PTPRG: variants seen among roughly 807,000 people sequenced by gnomAD.
PTPRG encodes the protein receptor-type tyrosine-protein phosphatase gamma.
In PTPRG, 102 loss-of-function variants were observed where a neutral mutation model predicts 165.3. The observed-to-expected ratio is 0.62, with a 90% CI of 0.53 to 0.73. PTPRG has a LOEUF of 0.73. Among genes scored for constraint, PTPRG ranks in the 30% least tolerant of loss-of-function variants. The probability of loss-of-function intolerance (pLI) is 0.00; values close to 1 mark genes in which losing one functional copy is unlikely to be tolerated. For synonymous variants in PTPRG, 675 were observed against 669.5 expected (o/e 1.01, Z -0.13); for missense variants, 1,866 against 1,861.4 (o/e 1.00, Z -0.05).
chr3:61,637,032 G>C (rs1701928921), intron 1 of PTPRG, among the ~76,000 whole-genome samples: 1 of 152,204 alleles, frequency 6.6e-6, no homozygotes, highest in African/African-American at 2.4e-5. Flanking sequence ...ACTGATTGCT[G>C]AGTGGTGTGG....
chr3:62,050,001 TG>T (rs1302507052), intron 4 of PTPRG, among the ~76,000 whole-genome samples: 2 of 152,230 alleles, frequency 1.3e-5, no homozygotes, highest in Non-Finnish European at 2.9e-5. Flanking sequence ...ACCAGTGGAC[TG>T]GAAAATCAAG....
At chr3:61,861,329 C>G (rs999169958) in intron 2 of PTPRG, among the ~76,000 whole-genome samples, 4 of 152,138 alleles carry the variant, frequency 2.6e-5, no homozygotes, top group African/African-American at 9.7e-5. Flanking sequence ...GGCACAGTCA[C>G]TGCTTCTCAA....
intron 2 of PTPRG, among the ~76,000 whole-genome samples, chr3:61,878,773 G>A (rs540882236): frequency 6.6e-5 from 10 of 152,170 alleles, no homozygotes; most frequent in African/African-American, 2.2e-4. Context: ...CAAAGTGCTT[G>A]CATTACAGGC....
intron 1 of PTPRG, among the ~76,000 whole-genome samples, chr3:61,705,662 A>G (rs1256747302): frequency 1.3e-5 from 2 of 152,164 alleles, no homozygotes; most frequent in Non-Finnish European, 2.9e-5. Context: ...TGGTTATTTT[A>G]CCAGGACCCG....
At chr3:62,292,589 T>C in intron 29 of PTPRG, 33 bp downstream of exon 29, 2 of 1,603,754 alleles carry the variant, frequency 1.2e-6, no homozygotes, top group Non-Finnish European at 1.7e-6. Context: ...AAACCTGTAC[T>C]ACATCAGTTG....
At chr3:61,844,677 T>C (rs913447412) in intron 2 of PTPRG, among the ~76,000 whole-genome samples, 2 of 149,672 alleles carry the variant, frequency 1.3e-5, no homozygotes, top group Middle Eastern at 3.2e-3. Context: ...TTTTTCCCCC[T>C]GTTTGGTAGA....
At chr3:61,692,603 T>C (rs994278128) in intron 1 of PTPRG, among the ~76,000 whole-genome samples, 2 of 152,018 alleles carry the variant, frequency 1.3e-5, no homozygotes, top group Non-Finnish European at 2.9e-5. Context: ...TGGGGCCGTT[T>C]TATAGGATTT....
At chr3:62,147,301 G>A (rs192323689) in intron 6 of PTPRG, among the ~76,000 whole-genome samples, 51 of 152,300 alleles carry the variant, frequency 3.3e-4, no homozygotes, top group Non-Finnish European at 6.3e-4. Context: ...AGAGAACCCA[G>A]TCACTGTAAA....
chr3:61,648,441 A>G (rs760057415), intron 1 of PTPRG, among the ~76,000 whole-genome samples: 2 of 152,214 alleles, frequency 1.3e-5, no homozygotes, highest in Admixed American at 6.5e-5. Context: ...ACCAGGCTAC[A>G]CATTTTCACC....
chr3:61,891,491 C>G (rs1007587166), intron 2 of PTPRG, among the ~76,000 whole-genome samples: 5 of 152,140 alleles, frequency 3.3e-5, no homozygotes, highest in Non-Finnish European at 7.3e-5. Context: ...AAACACATCT[C>G]TACAGATTTA....
intron 1 of PTPRG, among the ~76,000 whole-genome samples, chr3:61,737,063 C>T (rs769140319): frequency 4.6e-5 from 7 of 152,162 alleles, no homozygotes; most frequent in Non-Finnish European, 7.3e-5. Flanking sequence ...GGATGCCACC[C>T]TTTTTCCTGC....
intron 8 of PTPRG, among the ~76,000 whole-genome samples, chr3:62,182,919 TGCTGGGATTACAG>T (rs1181466606): frequency 6.6e-6 from 1 of 152,160 alleles, no homozygotes; most frequent in African/African-American, 2.4e-5. Flanking sequence ...CCTCCCAAAG[TGCTGGGATTACAG>T]GCATGAGCCA....
chr3:61,968,052 G>A (rs1471525896), intron 2 of PTPRG, among the ~76,000 whole-genome samples: 1 of 152,184 alleles, frequency 6.6e-6, no homozygotes, highest in Admixed American at 6.5e-5. Context: ...AGTTGAGAAA[G>A]AAGAGAGAAA....
intron 1 of PTPRG, among the ~76,000 whole-genome samples, chr3:61,728,630 A>G (rs2032359823): frequency 6.6e-6 from 1 of 152,162 alleles, no homozygotes; most frequent in Non-Finnish European, 1.5e-5. Flanking sequence ...GGTGTCTAGC[A>G]CACACACAGT....
intron 4 of PTPRG, among the ~76,000 whole-genome samples, chr3:62,037,244 C>G (rs548072583): frequency 6.6e-6 from 1 of 152,256 alleles, no homozygotes; most frequent in Non-Finnish European, 1.5e-5. Flanking sequence ...TACATTTGCT[C>G]ATATGGAAAC....
At chr3:62,275,274 A>C (rs1309131226) in intron 23 of PTPRG, among the ~76,000 whole-genome samples, 1 of 152,230 alleles carries the variant, frequency 6.6e-6, no homozygotes, top group Non-Finnish European at 1.5e-5. Context: ...CTTTATCTTC[A>C]AGAAACTTGA....
At chr3:62,003,628 C>T (rs917930142) in intron 4 of PTPRG, 131 bp downstream of exon 4, 1 of 1,184,068 alleles carries the variant, frequency 8.4e-7, no homozygotes, top group Non-Finnish European at 1.2e-6. Flanking sequence ...TCTGGAAACC[C>T]TTTATCCATA....
chr3:61,968,790 A>G (rs780367493), intron 2 of PTPRG, among the ~76,000 whole-genome samples: 7 of 152,164 alleles, frequency 4.6e-5, no homozygotes, highest in Non-Finnish European at 8.8e-5. Flanking sequence ...GATCTTGATG[A>G]TATCACTGTA....
chr3:61,949,120 C>T (rs1271536127), intron 2 of PTPRG, among the ~76,000 whole-genome samples: 1 of 151,164 alleles, frequency 6.6e-6, no homozygotes, highest in African/African-American at 2.4e-5. Context: ...TGCCAACGGC[C>T]TGGTTTTCGT....
Sources: allele counts gnomAD v4.1 joint callset (sites outside exome capture counted in the v4.1 genomes callset), GRCh38; gene constraint gnomAD v4.1.1; transcripts MANE v1.5; gene names NCBI Gene and HGNC (gene_info 2026-07-23, HGNC 2026-07-21).